The following FRAS1 variants were observed in gnomAD, a reference collection of about 807,000 sequenced individuals.
The protein encoded by FRAS1 is extracellular matrix organizing protein FRAS1.
FRAS1 carries 290 observed loss-of-function variants against 435.2 expected under a neutral mutation model. The ratio of observed to expected loss-of-function variants is 0.67; its 90% CI spans 0.61 to 0.73. The LOEUF is 0.73. Among genes scored for constraint, FRAS1 ranks in the 30% least tolerant of loss-of-function variants. FRAS1 has a pLI of 0.00. For synonymous variants in FRAS1, 1,800 were observed against 1,851.0 expected, an observed-to-expected ratio of 0.97 and a Z score of 0.71; for missense variants, 4,860 against 5,001.5, an observed-to-expected ratio of 0.97 and a Z score of 0.85.
At chr4:78,406,927 A>G (rs745471689) in intron 30 of FRAS1, among the ~76,000 whole-genome samples, 1 of 152,210 alleles carries the variant, frequency 6.6e-6, no homozygotes, top group Non-Finnish European at 1.5e-5. Context: ...ACATGATGCC[A>G]CAAGTGGAAA....
chr4:78,445,337 C>T (rs1210115321), intron 41 of FRAS1, among the ~76,000 whole-genome samples, 185 bp from the exon 42 acceptor site: 5 of 152,170 alleles, frequency 3.3e-5, no homozygotes, highest in Non-Finnish European at 7.3e-5. Context: ...GAGAAATAGT[C>T]AGTGAGGAAA....
chr4:78,541,114 C>G lies in FRAS1; in HGVS notation c.12029C>G (p.Thr4010Arg). Reference sequence around the variant, plus strand: ...GTTCACAACAATTTACAAGATGGAACAGAAGTTTAATGGAGGAGACCTATG... The same window carrying G: ...GTTCACAACAATTTACAAGATGGAAGAGAAGTTTAATGGAGGAGACCTATG... Reference protein sequence around the residue: ...VRVHNNLQDGTEV With the variant: ...VRVHNNLQDGREV The change falls in exon 74 of 74, where the codon ACA becomes AGA. Residue 4010 changes from threonine (T) to arginine (R), a missense_variant. Coordinates refer to ENST00000512123, the MANE Select transcript of FRAS1 (RefSeq NM_025074.7). 3 of 1,378,504 alleles carry G rather than the reference C, an allele frequency of 2.2e-6. No homozygotes were observed. The highest frequency in any genetic ancestry group is 2.8e-6 in the Non-Finnish European group (3 of 1,057,278). 85.4% of individuals were successfully genotyped at this position (1,378,504 alleles called of 1,614,324 possible).
At chr4:78,472,077 C>T in intron 51 of FRAS1, 103 bp from the exon 52 acceptor site, 1 of 1,186,994 alleles carries the variant, frequency 8.4e-7, no homozygotes, top group Non-Finnish European at 1.2e-6. Flanking sequence ...GCAGTAAATA[C>T]ACTCAGTAAA....
At chr4:78,540,131 T>C (rs1366072318) in intron 73 of FRAS1, among the ~76,000 whole-genome samples, 2 of 152,212 alleles carry the variant, frequency 1.3e-5, no homozygotes, top group African/African-American at 4.8e-5. Flanking sequence ...TCGCTGAAGT[T>C]CACCAATAAA....
rs1311168217 is a variant in FRAS1 at position 78,439,040 on chromosome 4, C to G, written c.5505C>G (p.Val1835=). 4 of 1,613,358 alleles carry G rather than the reference C, an allele frequency of 2.5e-6. No homozygotes were observed. In the East Asian group the frequency reaches 8.9e-5, roughly 36 times the overall value. The change falls in exon 40 of 74, where the codon GTC becomes GTG. Residue 1835 remains valine (V), a synonymous_variant. Transcript: ENST00000512123. ...CTCCTGCTGAAAATCCACCTCCAGT[C>G]ATTGCTTTTGCTGACCTTATCACGG... ...MITPAENPPP[V]IAFADLITVD...
At chr4:78,114,529 T>A (rs1433498456) in intron 2 of FRAS1, among the ~76,000 whole-genome samples, 2 of 152,280 alleles carry the variant, frequency 1.3e-5, no homozygotes, top group African/African-American at 4.8e-5. Flanking sequence ...GTAGTTCTCT[T>A]GAAGAGGTCC....
chr4:78,247,725 T>G (rs1015124321), intron 4 of FRAS1, among the ~76,000 whole-genome samples: 1 of 152,158 alleles, frequency 6.6e-6, no homozygotes, highest in African/African-American at 2.4e-5. Context: ...AGGGTACTTT[T>G]CCCTCCTGCT....
intron 2 of FRAS1, among the ~76,000 whole-genome samples, chr4:78,230,779 T>C (rs942940436): frequency 1.3e-5 from 2 of 152,196 alleles, no homozygotes; most frequent in African/African-American, 2.4e-5. Context: ...TACAAGAAGG[T>C]TTGGGGATAG....
At chr4:78,290,026 C>T (rs1178743346) in intron 14 of FRAS1, among the ~76,000 whole-genome samples, 2 of 152,220 alleles carry the variant, frequency 1.3e-5, no homozygotes, top group South Asian at 2.1e-4. Context: ...TTGTCTTGCC[C>T]CTCTGTTCAA....
At chr4:78,295,610 T>C (rs927788930) in intron 14 of FRAS1, among the ~76,000 whole-genome samples, 2 of 152,198 alleles carry the variant, frequency 1.3e-5, no homozygotes, top group Non-Finnish European at 2.9e-5. Flanking sequence ...GCCTGTCTAT[T>C]CCTTTTGTTA....
At chr4:78,419,790 C>T (rs1023491998) in intron 33 of FRAS1, among the ~76,000 whole-genome samples, 3 of 152,018 alleles carry the variant, frequency 2.0e-5, no homozygotes, top group Non-Finnish European at 4.4e-5. Context: ...ACAATCATGG[C>T]GGAAGGTGAA....
chr4:78,263,343 CA>C (rs1726204234), intron 6 of FRAS1, among the ~76,000 whole-genome samples: 2 of 152,278 alleles, frequency 1.3e-5, no homozygotes, highest in African/African-American at 4.8e-5. Context: ...CTGTTTTGAT[CA>C]ATACAATGTA....
chr4:78,181,447 A>G (rs541849440), intron 2 of FRAS1: 95 of 1,611,898 alleles, frequency 5.9e-5, no homozygotes, highest in Non-Finnish European at 7.5e-5. Flanking sequence ...AAGAAGATCT[A>G]TCACTTCCAC....
intron 27 of FRAS1, among the ~76,000 whole-genome samples, chr4:78,382,626 G>A (rs894751214): frequency 3.3e-5 from 5 of 152,100 alleles, no homozygotes; most frequent in African/African-American, 9.7e-5. Context: ...GGGAAGACAA[G>A]AATCATTTTT....
chr4:78,403,646 A>G (rs1355073005), intron 30 of FRAS1, among the ~76,000 whole-genome samples: 2 of 152,200 alleles, frequency 1.3e-5, no homozygotes, highest in Non-Finnish European at 2.9e-5. Flanking sequence ...CTTGTATAGT[A>G]TGTGCATGAA....
At chr4:78,061,272 TTAA>T (rs1216535376) in intron 1 of FRAS1, among the ~76,000 whole-genome samples, 1 of 152,182 alleles carries the variant, frequency 6.6e-6, no homozygotes, top group Non-Finnish European at 1.5e-5. Context: ...ACTTGAGAAC[TTAA>T]TAAAATCAAG....
At chr4:78,459,817 CCAT>C (rs1224800230) in intron 47 of FRAS1, among the ~76,000 whole-genome samples, 1 of 152,156 alleles carries the variant, frequency 6.6e-6, no homozygotes. Context: ...TTGGAGATGG[CCAT>C]CTTCTTGTTC....
chr4:78,217,608 T>C (rs773176490), intron 2 of FRAS1, among the ~76,000 whole-genome samples: 3 of 152,126 alleles, frequency 2.0e-5, no homozygotes, highest in African/African-American at 7.2e-5. Flanking sequence ...CTATTTTTAT[T>C]TTGTTAGCTC....
At position 78,445,613 on chromosome 4, in the gene FRAS1, T is replaced by A. The variant is rs764507286; in HGVS notation, c.5757T>A (p.Ser1919Arg). The A allele has an allele frequency of 1.9e-6, 3 of 1,613,684 alleles. No homozygotes were observed. The highest frequency in any genetic ancestry group is 1.1e-5 in the South Asian group (1 of 91,032). ...AAAACTACATTTACTACTTTCAGAG[T>A]GTTCATGAAAGCATTGAGCCAACCC... The part of the protein sequence containing the change: ...VLENYIYYFQ[S>R]VHESIEPTHD... Residue 1919 changes from serine (S) to arginine (R), a missense_variant, in exon 42 of 74, where the codon AGT becomes AGA. Transcript: ENST00000512123.
Sources: allele counts gnomAD v4.1 joint callset (sites outside exome capture counted in the v4.1 genomes callset), GRCh38; gene constraint gnomAD v4.1.1; transcripts MANE v1.5; gene names NCBI Gene and HGNC (gene_info 2026-07-23, HGNC 2026-07-21).